SND1: variants seen among roughly 807,000 people sequenced by gnomAD.
SND1 encodes the protein staphylococcal nuclease and tudor domain containing 1.
Under a neutral mutation model 121.7 loss-of-function variants are expected in SND1, and 38 were observed. The observed-to-expected ratio is 0.31, with a 90% CI of 0.24 to 0.41. The LOEUF (loss-of-function observed/expected upper bound fraction) is 0.41. Among genes scored for constraint, SND1 ranks in the 10% least tolerant of loss-of-function variants. The pLI is 1.00. For missense variants in SND1, 868 were observed against 1,184.6 expected, an observed-to-expected ratio of 0.73 and a Z score of 3.92; for synonymous variants, 401 against 447.4, an observed-to-expected ratio of 0.90 and a Z score of 1.31.
intron 3 of SND1, among the ~76,000 whole-genome samples, chr7:127,697,438 G>A (rs771330560): frequency 1.6e-4 from 25 of 152,090 alleles, no homozygotes; most frequent in Non-Finnish European, 2.9e-4. Context: ...CCCATTTTAT[G>A]GTCACTCACC....
intron 15 of SND1, among the ~76,000 whole-genome samples, chr7:127,953,182 G>A (rs1563068912): frequency 1.8e-5 from 2 of 109,402 alleles, no homozygotes; most frequent in East Asian, 4.6e-4. Flanking sequence ...GTGTGTGTGT[G>A]TGTGTGTGTG....
At position 128,029,334 on chromosome 7, in the gene SND1, G is replaced by C. The variant is rs774982699; in HGVS notation, c.1779+38278G>C. On this transcript the variant is annotated intron_variant, in intron 16 of 23. Coordinates refer to ENST00000354725, the MANE Select transcript of SND1 (RefSeq NM_014390.4). The surrounding 1 kb of genome is among the most constrained non-coding windows in gnomAD (Gnocchi z 4.2). ...AGCCGTGCTCACATTGAGGTAGGCCGAGGCGTTGGAGTTGCCTGCAACATT... is the reference window on the plus strand; with the variant it reads ...AGCCGTGCTCACATTGAGGTAGGCCCAGGCGTTGGAGTTGCCTGCAACATT... 3.7e-6 allele frequency: 6 copies of C among 1,614,058 alleles called. No homozygotes were observed. Among genetic ancestry groups the C allele is most frequent in the African/African-American group, 1.3e-5 (1 of 74,906 alleles).
At chr7:127,653,070 G>A (rs970206802) in intron 1 of SND1, among the ~76,000 whole-genome samples, 2 of 152,204 alleles carry the variant, frequency 1.3e-5, no homozygotes, top group African/African-American at 2.4e-5. Flanking sequence ...AAGGAGATAG[G>A]CTTGAAGAAG....
chr7:127,695,017 T>C (rs955498411), intron 3 of SND1, 69 bp downstream of exon 3: 6 of 1,568,530 alleles, frequency 3.8e-6, no homozygotes, highest in African/African-American at 1.4e-5. Context: ...TTTCTTGTGG[T>C]GGAAGGCCAG....
intron 16 of SND1, among the ~76,000 whole-genome samples, chr7:127,993,343 G>C (rs1400015224): frequency 6.6e-6 from 1 of 152,112 alleles, no homozygotes. Flanking sequence ...GCTTCTCTTT[G>C]TCCTACTCCC....
intron 10 of SND1, among the ~76,000 whole-genome samples, chr7:127,773,434 A>G (rs1345480508): frequency 6.6e-6 from 1 of 151,914 alleles, no homozygotes; most frequent in Non-Finnish European, 1.5e-5. Flanking sequence ...CCTGGGTGAC[A>G]CAGCAAGACT....
chr7:128,077,106 A>G (rs1209248835), intron 17 of SND1, among the ~76,000 whole-genome samples: 1 of 152,156 alleles, frequency 6.6e-6, no homozygotes, highest in Non-Finnish European at 1.5e-5. Flanking sequence ...TGGATTGGCC[A>G]TCGATTGGCT....
At chr7:128,086,172 C>G (rs1235992567) in intron 20 of SND1, among the ~76,000 whole-genome samples, 1 of 152,214 alleles carries the variant, frequency 6.6e-6, no homozygotes, top group Non-Finnish European at 1.5e-5. Flanking sequence ...TCCCCAAACT[C>G]AGGTTTGCTG....
intron 15 of SND1, among the ~76,000 whole-genome samples, chr7:127,969,422 TACAA>T (rs1391642915): frequency 4.6e-5 from 7 of 152,130 alleles, no homozygotes; most frequent in African/African-American, 1.4e-4. Flanking sequence ...GAGAAAGTTA[TACAA>T]TAAGAACTCC....
At chr7:127,684,332 G>T (rs555276906) in intron 1 of SND1, among the ~76,000 whole-genome samples, 27 of 152,292 alleles carry the variant, frequency 1.8e-4, no homozygotes, top group African/African-American at 6.5e-4. Context: ...GACCAAAATT[G>T]AGCAGCAAGC....
At chr7:127,773,869 C>T (rs1797564892) in intron 10 of SND1, among the ~76,000 whole-genome samples, 1 of 152,184 alleles carries the variant, frequency 6.6e-6, no homozygotes, top group East Asian at 1.9e-4. Context: ...CATAAGATTA[C>T]ATTGGAGCTG....
chr7:127,813,530 T>C (rs1422169815), intron 11 of SND1, among the ~76,000 whole-genome samples: 1 of 152,286 alleles, frequency 6.6e-6, no homozygotes, highest in South Asian at 2.1e-4. Context: ...ACACATTTCT[T>C]TGGTGAAGTG....
chr7:127,839,994 C>G (rs1563031483), intron 11 of SND1, among the ~76,000 whole-genome samples: 1 of 152,208 alleles, frequency 6.6e-6, no homozygotes, highest in Non-Finnish European at 1.5e-5. Flanking sequence ...CTTCCCACTT[C>G]AAGGGTATCC....
intron 16 of SND1, among the ~76,000 whole-genome samples, chr7:128,001,683 G>A (rs1802832464): frequency 6.6e-6 from 1 of 152,164 alleles, no homozygotes; most frequent in African/African-American, 2.4e-5. Flanking sequence ...TGTAATCCCA[G>A]CACTTTGGGA....
At chr7:127,721,259 G>T (rs1255582572) in intron 9 of SND1, 28 bp from the exon 10 acceptor site, 2 of 1,543,798 alleles carry the variant, frequency 1.3e-6, no homozygotes, top group Admixed American at 3.3e-5. Context: ...ATAGAAGCAG[G>T]TTTAAGCATG....
At chr7:128,056,592 C>T (rs936189003) in intron 16 of SND1, among the ~76,000 whole-genome samples, 1 of 152,240 alleles carries the variant, frequency 6.6e-6, no homozygotes, top group East Asian at 1.9e-4. Context: ...ACCACAAAGT[C>T]AAATAGTTTT....
intron 10 of SND1, among the ~76,000 whole-genome samples, chr7:127,725,322 A>C (rs762783066): frequency 6.6e-6 from 1 of 152,336 alleles, no homozygotes; most frequent in African/African-American, 2.4e-5. Flanking sequence ...ATCTTTGTGC[A>C]AATTTAGAGA....
intron 12 of SND1, among the ~76,000 whole-genome samples, chr7:127,871,883 C>T (rs1223786699): frequency 1.3e-5 from 2 of 152,116 alleles, no homozygotes. Flanking sequence ...GTAATCCCAA[C>T]ACTTTGGGAG....
At chr7:127,972,061 C>T (rs1802002883) in intron 15 of SND1, among the ~76,000 whole-genome samples, 1 of 152,100 alleles carries the variant, frequency 6.6e-6, no homozygotes, top group Admixed American at 6.5e-5. Flanking sequence ...AGGCGTGAGC[C>T]ACCACGCCTG....
Sources: gnomAD v4.1 joint callset for allele counts (sites outside exome capture counted in the v4.1 genomes callset) on GRCh38, gnomAD v4.1.1 for gene constraint, Gnocchi (gnomAD v3.1) non-coding constraint, MANE v1.5 for transcripts, NCBI Gene and HGNC (gene_info 2026-07-23, HGNC 2026-07-21) for gene names.